PPP3R1: variants seen among roughly 807,000 people sequenced by gnomAD.
PPP3R1 encodes the protein protein phosphatase 3 regulatory subunit B, alpha.
A neutral mutation model predicts 22.6 loss-of-function variants in PPP3R1; 5 were observed. The observed-to-expected ratio is 0.22, with a 90% CI of 0.12 to 0.46. PPP3R1 has a LOEUF of 0.46. PPP3R1 is among the 20% of genes least tolerant of loss of function. The pLI is 0.99. For missense variants in PPP3R1, 61 were observed against 203.2 expected, an observed-to-expected ratio of 0.30 and a Z score of 4.25; for synonymous variants, 56 against 65.2, an observed-to-expected ratio of 0.86 and a Z score of 0.68.
At chr2:68,244,808 C>A (rs562379454) in intron 1 of PPP3R1, among the ~76,000 whole-genome samples, 9 of 152,022 alleles carry the variant, frequency 5.9e-5, no homozygotes, top group Non-Finnish European at 1.0e-4. Flanking sequence ...CCGATAAGCA[C>A]CTTTTCCTTT....
chr2:68,219,205 C>A (rs1392626640), intron 1 of PPP3R1, among the ~76,000 whole-genome samples: 1 of 152,172 alleles, frequency 6.6e-6, no homozygotes, highest in Admixed American at 6.5e-5. Flanking sequence ...CCATCTCTAT[C>A]CTACACTCCC....
rs1423738924 is a variant in PPP3R1, at chr2:68,179,715, C to T, written c.*1248G>A. 6.6e-6 allele frequency: 1 copy of T among 152,104 alleles called. No individual in the cohort carries two copies. The highest frequency in any genetic ancestry group is 2.4e-5 in the African/African-American group (1 of 41,406). 9.4% of individuals were successfully genotyped at this position (152,104 alleles called of 1,614,324 possible). On this transcript the variant is annotated 3_prime_UTR_variant, in exon 6 of 6. Coordinates refer to ENST00000234310, the MANE Select transcript of PPP3R1 (RefSeq NM_000945.4). ...ATATCACACAAATTTATTAAGTTAT[C>T]CATTACCAATTATATGGGCAAATCA...
chr2:68,198,218 A>C (rs1049456143), intron 2 of PPP3R1, among the ~76,000 whole-genome samples: 2 of 132,292 alleles, frequency 1.5e-5, no homozygotes, highest in Non-Finnish European at 3.2e-5. Flanking sequence ...ATACATATAT[A>C]CATTTTACAT....
chr2:68,251,884 C>T (rs1361943435), intron 1 of PPP3R1, among the ~76,000 whole-genome samples: 2 of 139,356 alleles, frequency 1.4e-5, no homozygotes, highest in Admixed American at 7.0e-5. Context: ...GGCGGCCGAG[C>T]AGCAGAGGGG....
chr2:68,183,022 T>A lies in PPP3R1; in HGVS notation c.466-2012A>T, dbSNP rs527852636. On this transcript the variant is annotated intron_variant, in intron 5 of 5. Coordinates refer to ENST00000234310, the MANE Select transcript of PPP3R1 (RefSeq NM_000945.4). The stretch of plus-strand genomic sequence containing the variant: ...TCCAGGCCTGTCATCTCTGGCGCTC[T>A]TCATCATATTGGGGATCCTCCCTCT... 2.6e-3 allele frequency among the ~76,000 whole-genome samples: 391 copies of A among 152,322 alleles called. 4 individuals are homozygous for A. Among genetic ancestry groups the A allele is most frequent in the African/African-American group, 9.1e-3 (380 of 41,586 alleles).
At chr2:68,234,072 G>C (rs376526052) in intron 1 of PPP3R1, among the ~76,000 whole-genome samples, 3 of 152,126 alleles carry the variant, frequency 2.0e-5, no homozygotes, top group Admixed American at 6.5e-5. Flanking sequence ...GGCCGGGCAC[G>C]GTGGCTCACG....
chr2:68,210,932 G>C (rs770467247), intron 2 of PPP3R1, among the ~76,000 whole-genome samples: 1 of 152,072 alleles, frequency 6.6e-6, no homozygotes, highest in Non-Finnish European at 1.5e-5. Context: ...TGCAAATACA[G>C]GCATACCTCA....
chr2:68,244,155 G>A (rs1670187081), intron 1 of PPP3R1, among the ~76,000 whole-genome samples: 1 of 152,058 alleles, frequency 6.6e-6, no homozygotes, highest in Non-Finnish European at 1.5e-5. Context: ...ATTCCTTTTA[G>A]ACCTATGTAA....
In PPP3R1 at chr2:68,245,576, T is replaced by G. The variant is rs140768610; in HGVS notation, c.3+6549A>C. On this transcript the variant is annotated intron_variant, in intron 1 of 5. Coordinates refer to ENST00000234310, the MANE Select transcript of PPP3R1 (RefSeq NM_000945.4). ...TCTAATCACTAGGTTGGGTCATCCT[T>G]CATGACTGTTTCCTCATCATCAGTT... is the stretch of plus-strand genomic sequence containing the variant. Among the ~76,000 whole-genome samples the G allele has an allele frequency of 2.8e-3, 428 of 152,342 alleles. 2 individuals carry two copies. Among genetic ancestry groups the G allele is most frequent in the African/African-American group, 6.6e-3 (273 of 41,570 alleles).
chr2:68,239,240 T>C (rs186667053), intron 1 of PPP3R1, among the ~76,000 whole-genome samples: 19 of 152,322 alleles, frequency 1.2e-4, no homozygotes, highest in African/African-American at 4.3e-4. Context: ...TGTGTTCCTA[T>C]ATTTTGAATT....
intron 1 of PPP3R1, among the ~76,000 whole-genome samples, chr2:68,246,351 G>A (rs1184264202): frequency 6.6e-6 from 1 of 151,956 alleles, no homozygotes; most frequent in Admixed American, 6.5e-5. Context: ...GGGATTACAG[G>A]AGTGAGCCAC....
intron 2 of PPP3R1, among the ~76,000 whole-genome samples, chr2:68,198,246 T>A (rs1262485072): frequency 7.0e-6 from 1 of 143,568 alleles, no homozygotes; most frequent in African/African-American, 2.6e-5. Context: ...TACACATATG[T>A]ACATACATAT....
intron 1 of PPP3R1, among the ~76,000 whole-genome samples, chr2:68,231,825 C>T (rs546544372): frequency 3.7e-4 from 57 of 152,030 alleles, no homozygotes; most frequent in African/African-American, 1.4e-3. Flanking sequence ...TTTGCACCAT[C>T]AGTATAAATA....
At position 68,196,039 on chromosome 2, in the gene PPP3R1, G is replaced by C. The variant is rs1429035407; in HGVS notation, c.44-7349C>G. On this transcript the variant is annotated intron_variant, in intron 2 of 5. Transcript: ENST00000234310. ...CCATATTATAGGATGAGAACTATTAGAAACTACTACTCCAATACAGGATCC... is the reference window on the plus strand; with the variant it reads ...CCATATTATAGGATGAGAACTATTACAAACTACTACTCCAATACAGGATCC... Among the ~76,000 whole-genome samples, 10 of 152,134 alleles carry C rather than the reference G, an allele frequency of 6.6e-5. No individual in the cohort carries two copies. In the East Asian group the frequency reaches 1.5e-3, roughly 23 times the overall value.
chr2:68,225,991 A>G (rs1466411406), intron 1 of PPP3R1, among the ~76,000 whole-genome samples: 1 of 152,208 alleles, frequency 6.6e-6, no homozygotes, highest in Non-Finnish European at 1.5e-5. Context: ...ATGGAGTACT[A>G]TTCGGTAATG....
chr2:68,185,371 TAC>T (rs1460387180), intron 5 of PPP3R1, among the ~76,000 whole-genome samples: 3 of 148,690 alleles, frequency 2.0e-5, no homozygotes, highest in African/African-American at 4.9e-5. Flanking sequence ...ATATACTTAT[TAC>T]ATTTTATATT....
At chr2:68,212,475 A>G (rs76868194) in intron 2 of PPP3R1, among the ~76,000 whole-genome samples, 13 of 152,350 alleles carry the variant, frequency 8.5e-5, no homozygotes, top group African/African-American at 3.1e-4. Context: ...TTCTTAAGTA[A>G]TAAGACTGGA....
Position 68,182,077 on chromosome 2 carries a change from C to T in PPP3R1, c.466-1067G>A, listed in dbSNP as rs954096527. On this transcript the variant is annotated intron_variant, in intron 5 of 5. Transcript: ENST00000234310. Reference sequence around the variant, plus strand: ...AGACATCTCCCCTCCTCCAACCCCCCCCTCCCCCCACCACACACACACGAC... The same window carrying T: ...AGACATCTCCCCTCCTCCAACCCCCTCCTCCCCCCACCACACACACACGAC... 3.4e-4 allele frequency among the ~76,000 whole-genome samples: 27 copies of T among 78,858 alleles called. 1 individual carries two copies. The South Asian group carries it at 0.016, about 47-fold the overall frequency. 51.7% of individuals were successfully genotyped at this position (78,858 alleles called of 152,430 possible).
chr2:68,237,888 G>A (rs1221939075), intron 1 of PPP3R1, among the ~76,000 whole-genome samples: 1 of 151,936 alleles, frequency 6.6e-6, no homozygotes, highest in Non-Finnish European at 1.5e-5. Flanking sequence ...AATCAGCTTA[G>A]GTAAACAAAG....
Sources: gnomAD v4.1 joint callset for allele counts (sites outside exome capture counted in the v4.1 genomes callset) on GRCh38, gnomAD v4.1.1 for gene constraint, MANE v1.5 for transcripts, NCBI Gene and HGNC (gene_info 2026-07-23, HGNC 2026-07-21) for gene names.